Variants in ABCD2 observed in about 807,000 individuals in gnomAD.
ABCD2 encodes ATP binding cassette subfamily D member 2, also known as ATP-binding cassette sub-family D member 2.
In ABCD2, 36 loss-of-function variants were observed where a neutral mutation model predicts 70.9. That is an observed-to-expected ratio of 0.51 (90% CI 0.39 to 0.67). The LOEUF is 0.67. Among genes scored for constraint, ABCD2 ranks in the 30% least tolerant of loss-of-function variants. The pLI, the probability that ABCD2 is intolerant of heterozygous loss-of-function variation, is 0.00. For synonymous variants in ABCD2, 304 were observed against 306.9 expected, an observed-to-expected ratio of 0.99 and a Z score of 0.10; for missense variants, 729 against 890.2, an observed-to-expected ratio of 0.82 and a Z score of 2.30.
At chr12:39,537,636 G>A in the ABCD2 span, among the ~76,000 whole-genome samples, 20 of 152,132 alleles carry the variant, frequency 1.3e-4, no homozygotes, top group Admixed American at 2.0e-4. Context: ...CAAGGTGCTA[G>A]CAATAATGCT....
At chr12:39,533,465 T>A in the ABCD2 span, among the ~76,000 whole-genome samples, 4 of 152,166 alleles carry the variant, frequency 2.6e-5, no homozygotes, top group African/African-American at 9.7e-5. Flanking sequence ...CTGAAAGAGA[T>A]GAATGAATTA....
Position 39,603,951 on chromosome 12 carries a change from T to C in ABCD2, c.1461A>G (p.Thr487=), listed in dbSNP as rs1406036045. The change falls in exon 5 of 10, where the codon ACA becomes ACG. Residue 487 remains threonine, a synonymous_variant. Transcript: ENST00000308666. ...GIICENVPII[T]PAGEVVASRL... ...TGGAAGCCACCACTTCTCCTGCTGGTGTAATTATGGGAACATTTTCACAAA... is the reference window on the plus strand; with the variant it reads ...TGGAAGCCACCACTTCTCCTGCTGGCGTAATTATGGGAACATTTTCACAAA... 1 of 1,612,940 alleles carries C rather than the reference T, an allele frequency of 6.2e-7. No homozygotes were observed. The highest frequency in any genetic ancestry group is 8.5e-7 in the Non-Finnish European group (1 of 1,179,378).
chr12:39,544,046 C>G, the ABCD2 span, among the ~76,000 whole-genome samples: 2 of 152,146 alleles, frequency 1.3e-5, no homozygotes, highest in African/African-American at 4.8e-5. Context: ...TCATGCAGAG[C>G]CAGCTGTGTG....
chr12:39,611,908 G>A (rs2120767214), intron 2 of ABCD2, among the ~76,000 whole-genome samples: 1 of 152,104 alleles, frequency 6.6e-6, no homozygotes, highest in Non-Finnish European at 1.5e-5. Context: ...AGAAAAAACT[G>A]ATAAACCAAT....
chr12:39,543,320 G>C, the ABCD2 span, among the ~76,000 whole-genome samples: 1 of 152,108 alleles, frequency 6.6e-6, no homozygotes, highest in Admixed American at 6.5e-5. Flanking sequence ...ATAGGTCATA[G>C]GTCTCCAGAA....
rs1048764618 is a variant in ABCD2 at position 39,553,317 on chromosome 12, A to C, written c.*595T>G. 2 of 152,092 alleles carry C rather than the reference A, an allele frequency of 1.3e-5. No homozygotes were observed. The highest frequency in any genetic ancestry group is 6.5e-5 in the Admixed American group (1 of 15,272). 9.4% of individuals were successfully genotyped at this position (152,092 alleles called of 1,614,324 possible). A position where few individuals can be genotyped will look rare whatever the true frequency, so the allele number is the denominator to read the frequency against. ...CTCATTAAGATGCTTAAAGTCCAAA[A>C]TTTAAAAATATGGCATTTTATACAT... On this transcript the variant is annotated 3_prime_UTR_variant, in exon 10 of 10. Transcript: ENST00000308666.
chr12:39,598,988 T>G (rs1217784043), intron 6 of ABCD2, among the ~76,000 whole-genome samples: 6 of 152,160 alleles, frequency 3.9e-5, no homozygotes, highest in Non-Finnish European at 7.4e-5. Context: ...GTAAATGACT[T>G]TTAACAGTAA....
At chr12:39,618,476 A>C (rs1942147447) in intron 1 of ABCD2, among the ~76,000 whole-genome samples, 1 of 152,174 alleles carries the variant, frequency 6.6e-6, no homozygotes, top group Non-Finnish European at 1.5e-5. Context: ...AAACTTTAGA[A>C]AAGTTTGCAC....
At chr12:39,570,622 T>C (rs892542887) in intron 9 of ABCD2, among the ~76,000 whole-genome samples, 1 of 152,140 alleles carries the variant, frequency 6.6e-6, no homozygotes, top group East Asian at 1.9e-4. Flanking sequence ...CTGAAATTAT[T>C]AGAATACATA....
intron 8 of ABCD2, among the ~76,000 whole-genome samples, chr12:39,574,776 G>C (rs1230668753): frequency 6.6e-6 from 1 of 151,994 alleles, no homozygotes; most frequent in Non-Finnish European, 1.5e-5. Flanking sequence ...TGACAAAAAA[G>C]TTAAAAAAAT....
intron 5 of ABCD2, among the ~76,000 whole-genome samples, chr12:39,603,053 C>A (rs1244080743): frequency 6.6e-6 from 1 of 152,142 alleles, no homozygotes; most frequent in Non-Finnish European, 1.5e-5. Context: ...TTTAAATTTA[C>A]TGACACAGGA....
the ABCD2 span, among the ~76,000 whole-genome samples, chr12:39,531,403 G>C: frequency 6.6e-6 from 1 of 152,186 alleles, no homozygotes; most frequent in Non-Finnish European, 1.5e-5. Context: ...CCTTAAGAAG[G>C]AGGCTTGAGG....
chr12:39,532,230 C>T, the ABCD2 span, among the ~76,000 whole-genome samples: 16 of 152,252 alleles, frequency 1.1e-4, no homozygotes, highest in African/African-American at 2.9e-4. Context: ...AGGCATAAAA[C>T]GACCCATGTA....
chr12:39,548,548 A>G (rs1474416733), downstream of ABCD2, among the ~76,000 whole-genome samples: 1 of 151,990 alleles, frequency 6.6e-6, no homozygotes, highest in Non-Finnish European at 1.5e-5. Flanking sequence ...AAAAGGTCTC[A>G]TTATATTAGC....
intron 9 of ABCD2, among the ~76,000 whole-genome samples, chr12:39,570,453 T>C (rs1167028759): frequency 6.6e-6 from 1 of 152,172 alleles, no homozygotes. Context: ...TCAACTGATT[T>C]TCAACAAAGT....
At chr12:39,617,763 T>C (rs963127303) in intron 1 of ABCD2, among the ~76,000 whole-genome samples, 1 of 152,184 alleles carries the variant, frequency 6.6e-6, no homozygotes, top group African/African-American at 2.4e-5. Flanking sequence ...TACAGATGCT[T>C]TAAAAATTAA....
At chr12:39,607,401 CAATT>C (rs1316705093) in intron 3 of ABCD2, among the ~76,000 whole-genome samples, 194 bp downstream of exon 3, 3 of 152,078 alleles carry the variant, frequency 2.0e-5, no homozygotes. Context: ...AGAGAGATAA[CAATT>C]GATAGTATTA....
At chr12:39,606,235 G>T (rs569488632) in intron 3 of ABCD2, among the ~76,000 whole-genome samples, 1 of 152,076 alleles carries the variant, frequency 6.6e-6, no homozygotes, top group African/African-American at 2.4e-5. Flanking sequence ...AGAATGTGCC[G>T]GTAGACAAAT....
Position 39,611,154 on chromosome 12 carries a change from T to A in ABCD2, c.1121-3440A>T, listed in dbSNP as rs978018967. ...GAAAAGATGGGGAAGAATTTTAAAC[T>A]TAAGGTTATGCCTTATATATTTACC... is the stretch of plus-strand genomic sequence containing the variant. On this transcript the variant is annotated intron_variant, in intron 2 of 9. Transcript: ENST00000308666. 3.3e-5 allele frequency among the ~76,000 whole-genome samples: 5 copies of A among 152,302 alleles called. No homozygotes were observed. In the East Asian group the frequency reaches 7.7e-4, roughly 23 times the overall value.
Sources: allele counts gnomAD v4.1 joint callset (sites outside exome capture counted in the v4.1 genomes callset), GRCh38; gene constraint gnomAD v4.1.1; transcripts MANE v1.5; gene names NCBI Gene and HGNC (gene_info 2026-07-23, HGNC 2026-07-21).